TEX35: variants seen among roughly 807,000 people sequenced by gnomAD.
The protein encoded by TEX35 is testis-expressed protein 35.
In TEX35, 26 loss-of-function variants were observed where a neutral mutation model predicts 31.9. That is an observed-to-expected ratio of 0.81 (90% confidence interval 0.60 to 1.13). The LOEUF is 1.13. TEX35 is among the 50% of genes most tolerant of loss of function. The probability of loss-of-function intolerance (pLI) is 0.00; values close to 1 mark genes in which losing one functional copy is unlikely to be tolerated. For missense variants in TEX35, 278 were observed against 273.5 expected, an observed-to-expected ratio of 1.02 and a Z score of -0.12; for synonymous variants, 87 against 90.7, an observed-to-expected ratio of 0.96 and a Z score of 0.23.
chr1:178,516,700 T>C, intron 5 of TEX35, 26 bp downstream of exon 5: 2 of 1,555,610 alleles, frequency 1.3e-6, no homozygotes, highest in Non-Finnish European at 1.8e-6. Flanking sequence ...GTGCCTTCCA[T>C]GGGCCAGTAC....
intron 4 of TEX35, 86 bp downstream of exon 4, chr1:178,516,001 G>T: frequency 9.6e-7 from 1 of 1,041,768 alleles, no homozygotes. Context: ...GTGAAGGAAA[G>T]CAGGAATTGC....
At position 178,514,733 on chromosome 1, in the gene TEX35, C is replaced by G; in HGVS notation, c.124C>G (p.Arg42Gly). 1.2e-6 allele frequency: 2 copies of G among 1,613,936 alleles called. No homozygotes were observed. The highest frequency in any genetic ancestry group is 2.2e-5 in the South Asian group (2 of 90,980). Residue 42 changes from arginine (R) to glycine (G), a missense_variant, in exon 3 of 9, where the codon CGG becomes GGG. Transcript: ENST00000319416. ...FDYKAVKQEGRFTKAGVTQDL... is the reference protein window; with the variant it reads ...FDYKAVKQEGGFTKAGVTQDL... ...TTACAAAGCAGTTAAACAAGAAGGG[C>G]GGTTTACCAAAGCAGGAGTGACACA...
At chr1:178,520,348 C>G in intron 5 of TEX35, 24 bp from the exon 6 acceptor site, 2 of 1,608,378 alleles carry the variant, frequency 1.2e-6, no homozygotes, top group Non-Finnish European at 1.7e-6. Flanking sequence ...AATGAAGATG[C>G]TAGTTCTGAA....
chr1:178,516,744 C>T (rs377327910), intron 5 of TEX35, 70 bp downstream of exon 5: 3 of 1,088,630 alleles, frequency 2.8e-6, no homozygotes, highest in Non-Finnish European at 4.0e-6. Flanking sequence ...CACCAGCAGA[C>T]CCTGCCCTCC....
chr1:178,523,426 A>C (rs1221542614), downstream of TEX35: 11 of 486,572 alleles, frequency 2.3e-5, no homozygotes, highest in Non-Finnish European at 2.9e-5. Context: ...CAGTGTACAA[A>C]GATTCCCTTT....
intron 6 of TEX35, 83 bp from the exon 7 acceptor site, chr1:178,520,590 G>T: frequency 6.3e-7 from 1 of 1,591,458 alleles, no homozygotes; most frequent in Non-Finnish European, 8.6e-7. Context: ...GCCTTCCATG[G>T]CCACCCGTGT....
At chr1:178,518,125 T>C (rs1558038083) in intron 5 of TEX35, among the ~76,000 whole-genome samples, 1 of 152,016 alleles carries the variant, frequency 6.6e-6, no homozygotes, top group African/African-American at 2.4e-5. Context: ...AGAATATAAC[T>C]AAAAAGCAAT....
At chr1:178,522,025 G>T (rs1400868136) in intron 8 of TEX35, 2 of 688,248 alleles carry the variant, frequency 2.9e-6, no homozygotes, top group Non-Finnish European at 4.7e-6. Flanking sequence ...CATAGCATGG[G>T]GAGGGCCCCT....
Position 178,522,592 on chromosome 1 carries a change from G to T in TEX35, c.*152G>T. On this transcript the variant is annotated 3_prime_UTR_variant, in exon 9 of 9. Coordinates refer to ENST00000319416, the MANE Select transcript of TEX35 (RefSeq NM_032126.5). ...TTTTATTTCACACCAGTTCCTCCTT[G>T]TTTCATCTCTTTGCTAAGCTGGCTG... 2 of 1,317,556 alleles carry T rather than the reference G, an allele frequency of 1.5e-6. No homozygotes were observed. Among genetic ancestry groups the T allele is most frequent in the Admixed American group, 3.3e-5 (1 of 29,876 alleles). 81.6% of individuals were successfully genotyped at this position (1,317,556 alleles called of 1,614,324 possible). A position where few individuals can be genotyped will look rare whatever the true frequency, so the allele number is the denominator to read the frequency against.
At chr1:178,521,038 T>C in intron 7 of TEX35, 164 bp downstream of exon 7, 1 of 1,544,102 alleles carries the variant, frequency 6.5e-7, no homozygotes, top group South Asian at 1.2e-5. Context: ...CTGCCTTGCC[T>C]TCTAGGCCTG....
At chr1:178,522,255 T>C in intron 8 of TEX35, 70 bp from the exon 9 acceptor site, 3 of 1,502,488 alleles carry the variant, frequency 2.0e-6, no homozygotes, top group Non-Finnish European at 2.7e-6. Flanking sequence ...CTGGGTAGCT[T>C]TCTTGGGTTC....
intron 3 of TEX35, 64 bp from the exon 4 acceptor site, chr1:178,515,795 T>C: frequency 7.7e-7 from 1 of 1,304,498 alleles, no homozygotes; most frequent in African/African-American, 1.5e-5. Context: ...TTCCTCCTGT[T>C]GATGGTTTCC....
rs981504449 is a variant in TEX35 at position 178,522,045 on chromosome 1, G to A, written c.587-280G>A. 9.2e-6 allele frequency: 6 copies of A among 655,000 alleles called. No individual in the cohort carries two copies. In the Admixed American group the frequency reaches 1.2e-4, roughly 13 times the overall value. 40.6% of individuals were successfully genotyped at this position (655,000 alleles called of 1,614,324 possible). Reference sequence around the variant, plus strand: ...CATGGGGAGGGCCCCTGATGATAGCGGACGCCAGTCTGTGTGGTCTCAGGA... The same window carrying A: ...CATGGGGAGGGCCCCTGATGATAGCAGACGCCAGTCTGTGTGGTCTCAGGA... On this transcript the variant is annotated intron_variant, in intron 8 of 8. Coordinates refer to ENST00000319416, the MANE Select transcript of TEX35 (RefSeq NM_032126.5).
chr1:178,519,092 A>G (rs1227942009), intron 5 of TEX35, among the ~76,000 whole-genome samples: 3 of 152,198 alleles, frequency 2.0e-5, no homozygotes, highest in Non-Finnish European at 4.4e-5. Flanking sequence ...CACTTCAAAA[A>G]GCTTAGCCCG....
intron 3 of TEX35, 139 bp from the exon 4 acceptor site, chr1:178,515,720 C>A: frequency 1.4e-6 from 1 of 691,630 alleles, no homozygotes; most frequent in Non-Finnish European, 2.5e-6. Flanking sequence ...CCTATTGTCT[C>A]AACAACATCT....
chr1:178,515,094 A>G (rs1312979785), intron 3 of TEX35, among the ~76,000 whole-genome samples: 2 of 152,140 alleles, frequency 1.3e-5, no homozygotes, highest in Non-Finnish European at 2.9e-5. Flanking sequence ...CTTTGGGTAC[A>G]CTGACATTTA....
At chr1:178,515,185 G>A (rs1650030251) in intron 3 of TEX35, among the ~76,000 whole-genome samples, 1 of 152,128 alleles carries the variant, frequency 6.6e-6, no homozygotes. Flanking sequence ...TAGGCTCACT[G>A]CAACCTCCAA....
At chr1:178,518,635 G>GA in intron 5 of TEX35, among the ~76,000 whole-genome samples, 1 of 152,086 alleles carries the variant, frequency 6.6e-6, no homozygotes, top group Admixed American at 6.5e-5. Flanking sequence ...CAAATATATA[G>GA]AAAAAAGACT....
rs376505284 is a variant in TEX35, at chr1:178,517,946, G to T, written c.276+1272G>T. On this transcript the variant is annotated intron_variant, in intron 5 of 8. Transcript: ENST00000319416. The stretch of plus-strand genomic sequence containing the variant: ...TGTAAGATTTTTTTAAAAGAATTAT[G>T]ACAGAAAAATCACTTACATTTACAG... Among the ~76,000 whole-genome samples the T allele has an allele frequency of 7.2e-5, 11 of 152,128 alleles. 1 individual carries two copies. The highest frequency in any genetic ancestry group is 3.9e-4 in the Admixed American group (6 of 15,292).
Sources: allele counts gnomAD v4.1 joint callset (sites outside exome capture counted in the v4.1 genomes callset), GRCh38; gene constraint gnomAD v4.1.1; transcripts MANE v1.5; gene names NCBI Gene and HGNC (gene_info 2026-07-23, HGNC 2026-07-21).